ARAP1: variants seen among roughly 807,000 people sequenced by gnomAD.
The protein encoded by ARAP1 is arf-GAP with Rho-GAP domain, ANK repeat and PH domain-containing protein 1.
In ARAP1, 76 loss-of-function variants were observed where a neutral mutation model predicts 172.2. The observed-to-expected ratio is 0.44, with a 90% CI of 0.37 to 0.53. ARAP1 has a LOEUF of 0.53. ARAP1 is among the 20% of genes least tolerant of loss of function. The pLI, the probability that ARAP1 is intolerant of heterozygous loss-of-function variation, is 0.00. For synonymous variants in ARAP1, 804 were observed against 803.3 expected (o/e 1.00, Z -0.01); for missense variants, 1,686 against 1,977.5 (o/e 0.85, Z 2.80).
intron 30 of ARAP1, among the ~76,000 whole-genome samples, chr11:72,689,927 A>C (rs894769017): frequency 3.9e-5 from 6 of 152,228 alleles, no homozygotes; most frequent in Admixed American, 6.5e-5. Context: ...CACACAGAAG[A>C]AGCAAGGCTG....
At chr11:72,720,358 C>A (rs1377121917) in intron 3 of ARAP1, among the ~76,000 whole-genome samples, 4 of 152,130 alleles carry the variant, frequency 2.6e-5, no homozygotes, top group South Asian at 2.1e-4. Flanking sequence ...AAGGTCATCC[C>A]CTCCAGCACT....
At position 72,740,204 on chromosome 11, in the gene ARAP1, C is replaced by T. The variant is rs150398439; in HGVS notation, c.-127-7607G>A. 3.2e-3 allele frequency among the ~76,000 whole-genome samples: 483 copies of T among 152,350 alleles called. 4 individuals carry two copies. The highest frequency in any genetic ancestry group is 3.0e-3 in the Non-Finnish European group (206 of 68,032). On this transcript the variant is annotated intron_variant, in intron 1 of 34. Coordinates refer to ENST00000393609, the MANE Select transcript of ARAP1 (RefSeq NM_001040118.3). The stretch of plus-strand genomic sequence containing the variant: ...AGGCACCTTTGAGCAGTGCACAACA[C>T]GCACACCCACACACAGTGGACCTGG...
intron 3 of ARAP1, 151 bp from the exon 4 acceptor site, chr11:72,714,472 C>T (rs1331738382): frequency 2.5e-6 from 2 of 785,346 alleles, no homozygotes; most frequent in Non-Finnish European, 3.9e-6. Flanking sequence ...CTCCTCAACT[C>T]ATCTCCCAGA....
intron 1 of ARAP1, among the ~76,000 whole-genome samples, chr11:72,750,540 A>G (rs1390948566): frequency 6.8e-6 from 1 of 146,890 alleles, no homozygotes; most frequent in Non-Finnish European, 1.5e-5. Flanking sequence ...TCTTTCTTTC[A>G]TTCAAACTCT....
chr11:72,713,027 C>A, intron 5 of ARAP1, 149 bp downstream of exon 5: 5 of 830,590 alleles, frequency 6.0e-6, no homozygotes, highest in Non-Finnish European at 9.7e-6. Flanking sequence ...GACTCCTGAC[C>A]CCCGTATGGC....
In ARAP1 at chr11:72,693,563, C is replaced by A. The variant is rs1288213368; in HGVS notation, c.3809-93G>T. The A allele has an allele frequency of 3.2e-6, 5 of 1,552,424 alleles. No individual in the cohort carries two copies. Among genetic ancestry groups the A allele is most frequent in the South Asian group, 1.2e-5 (1 of 81,874 alleles). The stretch of plus-strand genomic sequence containing the variant: ...AGGAAGCTGCCCCATCCTGCCCCAG[C>A]CTCTCCATAGAGGCCCACCCACTTG... On this transcript the variant is annotated intron_variant, in intron 28 of 34. Coordinates refer to ENST00000393609, the MANE Select transcript of ARAP1 (RefSeq NM_001040118.3). The surrounding 1 kb of genome is among the most constrained non-coding windows in gnomAD (Gnocchi z 4.6).
Position 72,697,441 on chromosome 11 carries a change from C to A in ARAP1, c.2835G>T (p.Trp945Cys). ...CGGCTGCTTTCTGGATGGCCCCCAG[C>A]CAACCCATGAAGTCCAGCCGCCGCT... is the stretch of plus-strand genomic sequence containing the variant. The part of the protein sequence containing the change: ...QGERRLDFMG[W>C]LGAIQKAAAS... Residue 945 changes from tryptophan to cysteine, a missense_variant, in exon 21 of 35, where the codon TGG becomes TGT. This residue lies in a region of ARAP1 where 274 missense variants were observed against 262.7 expected (regional missense o/e 1.04). Coordinates refer to ENST00000393609, the MANE Select transcript of ARAP1 (RefSeq NM_001040118.3). 1 of 1,612,800 alleles carries A rather than the reference C, an allele frequency of 6.2e-7. No homozygotes were observed. Among genetic ancestry groups the A allele is most frequent in the Non-Finnish European group, 8.5e-7 (1 of 1,179,774 alleles).
intron 6 of ARAP1, 49 bp from the exon 7 acceptor site, chr11:72,712,388 G>C (rs1158520582): frequency 4.1e-5 from 63 of 1,541,384 alleles, no homozygotes; most frequent in Non-Finnish European, 5.5e-5. Context: ...GGCAAGGAGG[G>C]GGCGGGCTGA....
At chr11:72,736,190 A>G (rs1166700079) in intron 1 of ARAP1, among the ~76,000 whole-genome samples, 2 of 151,312 alleles carry the variant, frequency 1.3e-5, no homozygotes, top group African/African-American at 4.9e-5. Context: ...TATACCTTGA[A>G]TACTGACCTT....
chr11:72,701,871 C>T (rs1856498708), intron 15 of ARAP1, 88 bp from the exon 16 acceptor site: 1 of 1,521,970 alleles, frequency 6.6e-7, no homozygotes, highest in East Asian at 2.3e-5. Context: ...GGCATTCAGG[C>T]TCACTTTCGA....
Position 72,699,328 on chromosome 11 carries a change from C to T in ARAP1, c.2438+89G>A. 3 of 1,577,476 alleles carry T rather than the reference C, an allele frequency of 1.9e-6. No individual in the cohort carries two copies. The highest frequency in any genetic ancestry group is 2.6e-6 in the Non-Finnish European group (3 of 1,158,586). The stretch of plus-strand genomic sequence containing the variant: ...TTTGCTGTGTGACTCTGCGGAGGTC[C>T]TCCCCTTCTCTGGGTCTATTTCCCT... On this transcript the variant is annotated intron_variant, in intron 17 of 34. Transcript: ENST00000393609. This position sits in a 1 kb window ranked among gnomAD's most constrained non-coding sequence, Gnocchi z 4.2.
intron 18 of ARAP1, among the ~76,000 whole-genome samples, 174 bp downstream of exon 18, chr11:72,698,831 C>T (rs1856335417): frequency 6.6e-6 from 1 of 152,176 alleles, no homozygotes; most frequent in South Asian, 2.1e-4. Context: ...ACCAACTCCG[C>T]AGAGGGCTGC....
intron 3 of ARAP1, among the ~76,000 whole-genome samples, chr11:72,719,450 A>T (rs1455182119): frequency 2.6e-5 from 4 of 152,090 alleles, no homozygotes; most frequent in Non-Finnish European, 4.4e-5. Flanking sequence ...ACTCAGCTCA[A>T]CTCATTGGTT....
At chr11:72,705,223 T>A (rs1201291634) in intron 13 of ARAP1, 1 of 152,538 alleles carries the variant, frequency 6.6e-6, no homozygotes, top group African/African-American at 2.4e-5. Context: ...GGCATAAATG[T>A]ACACGTGTGT....
At position 72,697,984 on chromosome 11, in the gene ARAP1, G is replaced by A; in HGVS notation, c.2664C>T (p.Gly888=). Reference sequence around the variant, plus strand: ...CCGGGAAGACAGCACGGAGCTCCGAGCCACTGAGAGAGAACCAGCCCTCCT... The same window carrying A: ...CCGGGAAGACAGCACGGAGCTCCGAACCACTGAGAGAGAACCAGCCCTCCT... The part of the protein sequence containing the change: ...RAQEGWFSLS[G]SELRAVFPEG... The change falls in exon 19 of 35, where the codon GGC becomes GGT. Residue 888 remains glycine, a synonymous_variant. Transcript: ENST00000393609. 3.7e-6 allele frequency: 6 copies of A among 1,612,366 alleles called. No homozygotes were observed. Among genetic ancestry groups the A allele is most frequent in the Non-Finnish European group, 5.1e-6 (6 of 1,179,416 alleles).
In ARAP1 at chr11:72,726,793, G is replaced by A. The variant is rs776746450; in HGVS notation, c.336C>T (p.Pro112=). 8.3e-5 allele frequency: 129 copies of A among 1,552,724 alleles called. 1 individual carries two copies. Among genetic ancestry groups the A allele is most frequent in the African/African-American group, 1.4e-4 (10 of 73,380 alleles). ...LPTTTEDEGL[P]AAPPIPPRRS... is the part of the protein sequence containing the mutation. Reference sequence around the variant, plus strand: ...TCCGGGGCGGGATGGGTGGGGCAGCGGGGAGCCCCTCATCCTCTGTAGTGG... The same window carrying A: ...TCCGGGGCGGGATGGGTGGGGCAGCAGGGAGCCCCTCATCCTCTGTAGTGG... Residue 112 remains proline (P), a synonymous_variant, in exon 3 of 35, where the codon CCC becomes CCT. Transcript: ENST00000393609. The surrounding 1 kb of genome is among the most constrained non-coding windows in gnomAD (Gnocchi z 6.5).
chr11:72,750,829 G>A (rs1858510713), intron 1 of ARAP1, among the ~76,000 whole-genome samples: 1 of 152,206 alleles, frequency 6.6e-6, no homozygotes, highest in Non-Finnish European at 1.5e-5. Flanking sequence ...TTCCTAAGCT[G>A]TGCCATTACA....
At chr11:72,696,364 T>C (rs998651584) in intron 23 of ARAP1, among the ~76,000 whole-genome samples, 185 bp downstream of exon 23, 8 of 152,192 alleles carry the variant, frequency 5.3e-5, no homozygotes, top group Non-Finnish European at 8.8e-5. Flanking sequence ...GCCACGAACC[T>C]GTACTGGTCT....
chr11:72,693,594 CTCTG>C lies in ARAP1; in HGVS notation c.3808+94_3808+97del. 6.5e-7 allele frequency: 1 copy of C among 1,530,574 alleles called. No individual in the cohort carries two copies. The highest frequency in any genetic ancestry group is 8.8e-7 in the Non-Finnish European group (1 of 1,133,652). The allele number at this position is 1,530,574 out of a possible 1,614,324, so 94.8% of individuals were successfully genotyped here. A position where few individuals can be genotyped will look rare whatever the true frequency, so the allele number is the denominator to read the frequency against. On this transcript the variant is annotated intron_variant, in intron 28 of 34. Coordinates refer to ENST00000393609, the MANE Select transcript of ARAP1 (RefSeq NM_001040118.3). The surrounding 1 kb of genome is among the most constrained non-coding windows in gnomAD (Gnocchi z 4.6). ...CATAGAGGCCCACCCACTTGGCGCC[CTCTG>C]TCTGAGCTGTTCCTACCTGGCACCA...
Sources: allele counts gnomAD v4.1 joint callset (sites outside exome capture counted in the v4.1 genomes callset), GRCh38; gene constraint gnomAD v4.1.1; regional missense constraint gnomAD v4.1.1; non-coding constraint Gnocchi (gnomAD v3.1); transcripts MANE v1.5; gene names NCBI Gene and HGNC (gene_info 2026-07-23, HGNC 2026-07-21).